The following DNAI7 variants were observed in gnomAD, a reference collection of about 807,000 sequenced individuals.
DNAI7 encodes cancer susceptibility 1.
In DNAI7, 78 loss-of-function variants were observed where a neutral mutation model predicts 86.6. That is an observed-to-expected ratio of 0.90 (90% CI 0.75 to 1.09). DNAI7 has a LOEUF of 1.09. Among genes scored for constraint, DNAI7 ranks in the 50% least tolerant of loss-of-function variants. The pLI is 0.00. For missense variants in DNAI7, 753 were observed against 810.2 expected, an observed-to-expected ratio of 0.93 and a Z score of 0.86; for synonymous variants, 274 against 273.0, an observed-to-expected ratio of 1.00 and a Z score of -0.04.
In DNAI7 at chr12:25,144,497, A is replaced by G. The variant is rs1306560045; in HGVS notation, c.870T>C (p.Asp290=). Residue 290 remains aspartate, a synonymous_variant, in exon 9 of 16, where the codon GAT becomes GAC. Transcript: ENST00000395987. ...TSAVTELVKD[D]VKNVEKAISK... ...TGATTGCTTTTTCTACATTCTTAAC[A>G]TCATCTTTGACAAGCTCAGTTACTG... The G allele has an allele frequency of 3.7e-6, 6 of 1,614,024 alleles. No individual in the cohort carries two copies. Among genetic ancestry groups the G allele is most frequent in the Non-Finnish European group, 5.1e-6 (6 of 1,180,000 alleles).
At chr12:25,110,007 G>T in intron 15 of DNAI7, 120 bp downstream of exon 15, 1 of 615,142 alleles carries the variant, frequency 1.6e-6, no homozygotes. Flanking sequence ...ATTCCGTATT[G>T]AATGTTAATT....
chr12:25,149,241 A>G (rs1196779269), intron 7 of DNAI7, among the ~76,000 whole-genome samples: 1 of 152,158 alleles, frequency 6.6e-6, no homozygotes, highest in Non-Finnish European at 1.5e-5. Flanking sequence ...GGTTTTTGCC[A>G]TTACTTTTAA....
At chr12:25,139,661 A>G (rs1297293011) in intron 9 of DNAI7, among the ~76,000 whole-genome samples, 1 of 152,162 alleles carries the variant, frequency 6.6e-6, no homozygotes, top group African/African-American at 2.4e-5. Flanking sequence ...GAAGCCATGG[A>G]CACAGGGAGG....
downstream of DNAI7, chr12:25,107,795 T>C: frequency 6.3e-7 from 1 of 1,597,380 alleles, no homozygotes; most frequent in Non-Finnish European, 8.6e-7. Flanking sequence ...ATTACCAAAT[T>C]CTATTTGTGT....
intron 9 of DNAI7, among the ~76,000 whole-genome samples, chr12:25,141,770 C>G (rs554452571): frequency 6.6e-6 from 1 of 151,626 alleles, no homozygotes; most frequent in Admixed American, 6.6e-5. Context: ...GTGGAGGTTG[C>G]AGTGAGCTGA....
chr12:25,130,881 C>T (rs1942825614), intron 9 of DNAI7, among the ~76,000 whole-genome samples: 2 of 152,030 alleles, frequency 1.3e-5, no homozygotes, highest in South Asian at 4.2e-4. Context: ...GTATTAAGAG[C>T]CCTCTAGTGG....
intron 8 of DNAI7, 118 bp downstream of exon 8, chr12:25,146,883 T>C: frequency 6.6e-6 from 4 of 606,404 alleles, no homozygotes; most frequent in Middle Eastern, 2.6e-4. Context: ...GCTAACTTCC[T>C]GAAATGGGCT....
rs577920545 is a variant in DNAI7, at chr12:25,180,847, G to T, written c.21+9767C>A. Among the ~76,000 whole-genome samples the T allele has an allele frequency of 2.6e-5, 4 of 151,860 alleles. No homozygotes were observed. The East Asian group carries it at 7.7e-4, about 29-fold the overall frequency. Reference sequence around the variant, plus strand: ...TATAATTTTTTTTTTCACTCTTGTCGCCCAGGCTGGAGTGTGTGGTGCAAT... The same window carrying T: ...TATAATTTTTTTTTTCACTCTTGTCTCCCAGGCTGGAGTGTGTGGTGCAAT... On this transcript the variant is annotated intron_variant, in intron 2 of 15. Transcript: ENST00000395987.
At chr12:25,123,109 A>G (rs1041319768) in intron 10 of DNAI7, 102 bp downstream of exon 10, 6 of 729,136 alleles carry the variant, frequency 8.2e-6, no homozygotes, top group African/African-American at 1.8e-5. Flanking sequence ...CACTTTAAAT[A>G]TATTTTTGCA....
downstream of DNAI7, chr12:25,108,209 T>TTATC (rs1304237010): frequency 3.6e-6 from 3 of 840,922 alleles, no homozygotes; most frequent in South Asian, 2.0e-5. Context: ...CTTTTTGCCT[T>TTATC]TATCTCCCCA....
chr12:25,128,193 C>T (rs888797253), intron 9 of DNAI7, among the ~76,000 whole-genome samples: 1 of 152,140 alleles, frequency 6.6e-6, no homozygotes, highest in Admixed American at 6.5e-5. Flanking sequence ...TATCCATCAA[C>T]AGAAGATCTA....
chr12:25,146,268 T>C (rs1430640428), intron 8 of DNAI7, among the ~76,000 whole-genome samples: 2 of 38,334 alleles, frequency 5.2e-5, no homozygotes, highest in Non-Finnish European at 1.7e-4. Context: ...GTCACAAAGA[T>C]ACATTAAAAA....
chr12:25,120,398 G>A (rs1352369523), intron 11 of DNAI7, among the ~76,000 whole-genome samples: 1 of 149,588 alleles, frequency 6.7e-6, no homozygotes, highest in Non-Finnish European at 1.5e-5. Context: ...GTATTCTATG[G>A]GAAGCAAGCC....
intron 6 of DNAI7, among the ~76,000 whole-genome samples, chr12:25,150,352 C>T (rs1945364782): frequency 6.6e-6 from 1 of 152,102 alleles, no homozygotes; most frequent in African/African-American, 2.4e-5. Flanking sequence ...TGCCTGCAAT[C>T]CCAGCACTTT....
Position 25,117,961 on chromosome 12 carries a change from G to T in DNAI7, c.1396+1184C>A, listed in dbSNP as rs529382303. The stretch of plus-strand genomic sequence containing the variant: ...TTCTTTTTTTTTTTTTTTTTGAGAC[G>T]GAGGGAGTCTCGCTCTGCCTGGAGT... On this transcript the variant is annotated intron_variant, in intron 12 of 15. Coordinates refer to ENST00000395987, the MANE Select transcript of DNAI7 (RefSeq NM_018272.5). 4.1e-5 allele frequency among the ~76,000 whole-genome samples: 3 copies of T among 73,856 alleles called. No individual in the cohort carries two copies. In the South Asian group the frequency reaches 1.3e-3, roughly 31 times the overall value. 48.5% of individuals were successfully genotyped at this position (73,856 alleles called of 152,430 possible).
At chr12:25,133,098 T>G (rs1226388794) in intron 9 of DNAI7, among the ~76,000 whole-genome samples, 1 of 152,058 alleles carries the variant, frequency 6.6e-6, no homozygotes, top group East Asian at 1.9e-4. Flanking sequence ...TTCAAATACT[T>G]TCATTATTTT....
chr12:25,182,344 T>C (rs1171248962), intron 2 of DNAI7, among the ~76,000 whole-genome samples: 5 of 110,694 alleles, frequency 4.5e-5, no homozygotes, highest in South Asian at 6.2e-4. Context: ...CGAAACTTCA[T>C]CTCAAAAAAA....
chr12:25,151,595 CCT>C (rs1272230066), intron 6 of DNAI7, among the ~76,000 whole-genome samples: 1 of 152,218 alleles, frequency 6.6e-6, no homozygotes, highest in Non-Finnish European at 1.5e-5. Context: ...CTTCCCACTG[CCT>C]CCCTGCTAAC....
intron 2 of DNAI7, among the ~76,000 whole-genome samples, chr12:25,162,834 A>G (rs1229701469): frequency 6.6e-6 from 1 of 152,192 alleles, no homozygotes; most frequent in East Asian, 1.9e-4. Context: ...TCAACTTTCC[A>G]TTTATTCTGT....
Sources: gnomAD v4.1 joint callset for allele counts (sites outside exome capture counted in the v4.1 genomes callset) on GRCh38, gnomAD v4.1.1 for gene constraint, MANE v1.5 for transcripts, NCBI Gene and HGNC (gene_info 2026-07-23, HGNC 2026-07-21) for gene names.